LTBP2: variants seen among roughly 807,000 people sequenced by gnomAD.
LTBP2 encodes latent transforming growth factor beta binding protein 2.
LTBP2 carries 103 observed loss-of-function variants against 210.6 expected under a neutral mutation model. The observed-to-expected ratio is 0.49, with a 90% confidence interval of 0.42 to 0.58. LTBP2 has a LOEUF of 0.58. Ranked by LOEUF, LTBP2 falls within the 20% of genes least tolerant of loss-of-function variation. LTBP2 has a pLI of 0.00. For missense variants in LTBP2, 2,313 were observed against 2,494.5 expected, an observed-to-expected ratio of 0.93 and a Z score of 1.55; for synonymous variants, 1,007 against 1,015.0, an observed-to-expected ratio of 0.99 and a Z score of 0.15.
Position 74,500,908 on chromosome 14 carries a change from G to A in LTBP2, c.5442C>T (p.Pro1814=), listed in dbSNP as rs781539185. 2.5e-6 allele frequency: 4 copies of A among 1,614,028 alleles called. No homozygotes were observed. The African/African-American group carries it at 5.3e-5, about 22-fold the overall frequency. The change falls in exon 36 of 36, where the codon CCC becomes CCT. Residue 1814 remains proline (P), a synonymous_variant. Coordinates refer to ENST00000261978, the MANE Select transcript of LTBP2 (RefSeq NM_000428.3). ...CSPGYVAEAG[P]PHCTAKE ...GCTACTCCTTGGCAGTGCAGTGGGG[G>A]GGCCCTGCCTCAGCCACATATCCCG...
chr14:74,580,341 G>A (rs1002981223), intron 3 of LTBP2, among the ~76,000 whole-genome samples: 2 of 152,172 alleles, frequency 1.3e-5, no homozygotes, highest in African/African-American at 4.8e-5. Context: ...GATGTTGTTA[G>A]GTTTAGATGA....
intron 9 of LTBP2, among the ~76,000 whole-genome samples, chr14:74,534,412 G>A (rs1398443625): frequency 6.6e-6 from 1 of 152,174 alleles, no homozygotes; most frequent in Non-Finnish European, 1.5e-5. Context: ...CTGTTCTTTT[G>A]CTTATGGGGT....
intron 2 of LTBP2, among the ~76,000 whole-genome samples, chr14:74,597,093 C>G (rs1227424725): frequency 6.6e-6 from 1 of 152,150 alleles, no homozygotes; most frequent in East Asian, 1.9e-4. Flanking sequence ...CCTGGGAAAC[C>G]CACAGTTTAG....
At chr14:74,518,310 AC>A (rs1212382049) in intron 17 of LTBP2, among the ~76,000 whole-genome samples, 1 of 152,070 alleles carries the variant, frequency 6.6e-6, no homozygotes, top group Non-Finnish European at 1.5e-5. Context: ...CTAGTGTTAA[AC>A]CCCATAAAAT....
intron 3 of LTBP2, among the ~76,000 whole-genome samples, chr14:74,564,355 T>TTTATATATATTAA (rs1566641208): frequency 1.3e-3 from 9 of 6,722 alleles, no homozygotes; most frequent in African/African-American, 2.8e-3. Flanking sequence ...TTATATATAT[T>TTTATATATATTAA]TATATATATA....
intron 31 of LTBP2, 115 bp from the exon 32 acceptor site, chr14:74,503,721 C>A: frequency 6.9e-7 from 1 of 1,452,802 alleles, no homozygotes; most frequent in Non-Finnish European, 9.1e-7. Flanking sequence ...GCCTCCCTCC[C>A]CTCAACCCAG....
At position 74,509,749 on chromosome 14, in the gene LTBP2, C is replaced by G; in HGVS notation, c.3262G>C (p.Gly1088Arg). The change falls in exon 21 of 36, where the codon GGC becomes CGC. Residue 1088 changes from glycine to arginine, a missense_variant. Gly to Arg is a moderately radical substitution (Grantham distance 125). Transcript: ENST00000261978. The stretch of plus-strand genomic sequence containing the variant: ...CCAGGGTTACCTTCACAGGCAGTGC[C>G]GTCTTCATTCACCCAGTACCCGTTC... ...CENGYWVNED[G>R]TACEDLDECA... The G allele has an allele frequency of 6.2e-7, 1 of 1,614,096 alleles. No individual in the cohort carries two copies. The highest frequency in any genetic ancestry group is 8.5e-7 in the Non-Finnish European group (1 of 1,180,032).
chr14:74,515,823 C>A (rs1223019798), intron 18 of LTBP2, among the ~76,000 whole-genome samples: 2 of 152,096 alleles, frequency 1.3e-5, no homozygotes, highest in African/African-American at 4.8e-5. Flanking sequence ...CGGCTTTGGT[C>A]ATGGGTAGGC....
intron 25 of LTBP2, 23 bp downstream of exon 25, chr14:74,507,950 T>G: frequency 6.2e-7 from 1 of 1,611,980 alleles, no homozygotes. Flanking sequence ...CAGAGCCCTG[T>G]GCCCTCCCCC....
At position 74,511,269 on chromosome 14, in the gene LTBP2, G is replaced by C. The variant is rs763126898; in HGVS notation, c.3004C>G (p.Arg1002Gly). The C allele has an allele frequency of 2.5e-6, 4 of 1,613,908 alleles. No homozygotes were observed. In the East Asian group the frequency reaches 8.9e-5, roughly 36 times the overall value. The change falls in exon 19 of 36, where the codon CGG becomes GGG. Residue 1002 changes from arginine to glycine, a missense_variant. Physicochemically the swap from Arg to Gly is moderately radical, Grantham distance 125. Coordinates refer to ENST00000261978, the MANE Select transcript of LTBP2 (RefSeq NM_000428.3). ...YTCLACEEGY[R>G]GQSGSCVDVN... ...CCTACACAGCTCCCACTCTGGCCCC[G>C]GTAGCCCTCCTCACAGGCCAGACAA...
At chr14:74,563,347 G>T (rs1264494193) in intron 3 of LTBP2, among the ~76,000 whole-genome samples, 1 of 152,170 alleles carries the variant, frequency 6.6e-6, no homozygotes, top group Non-Finnish European at 1.5e-5. Context: ...ACATGAACAA[G>T]ACTATTTACA....
chr14:74,576,398 A>G (rs776880723), intron 3 of LTBP2, among the ~76,000 whole-genome samples: 5 of 152,234 alleles, frequency 3.3e-5, no homozygotes, highest in Admixed American at 6.5e-5. Context: ...CCTGCTCTTG[A>G]GGAATATAGT....
Position 74,503,268 on chromosome 14 carries a change from G to C in LTBP2, c.4839C>G (p.Asp1613Glu). ...RTTYTECCCQ[D>E]GEAWSQQCAL... Reference sequence around the variant, plus strand: ...CACACTGCTGGCTCCAGGCCTCGCCGTCCTGGCAGCAGCATTCCGTGTAGG... The same window carrying C: ...CACACTGCTGGCTCCAGGCCTCGCCCTCCTGGCAGCAGCATTCCGTGTAGG... Residue 1613 changes from aspartate (D) to glutamate (E), a missense_variant, in exon 33 of 36, where the codon GAC becomes GAG. Transcript: ENST00000261978. 6.2e-7 allele frequency: 1 copy of C among 1,614,038 alleles called. No homozygotes were observed. The highest frequency in any genetic ancestry group is 1.1e-5 in the South Asian group (1 of 91,088).
intron 2 of LTBP2, among the ~76,000 whole-genome samples, chr14:74,593,010 G>A (rs754090838): frequency 2.2e-4 from 34 of 152,118 alleles, no homozygotes; most frequent in Non-Finnish European, 4.3e-4. Context: ...CCCAGCTTTG[G>A]GTGTTCCGCT....
Position 74,555,615 on chromosome 14 carries a change from A to T in LTBP2, c.909T>A (p.Thr303=), listed in dbSNP as rs748617744. ...GLSRTVRLHP[T]ATASSQLSSN... Reference sequence around the variant, plus strand: ...AAGAGAGCTGGCTACTGGCCGTGGCAGTCGGGTGAAGTCGGACAGTGCGGG... The same window carrying T: ...AAGAGAGCTGGCTACTGGCCGTGGCTGTCGGGTGAAGTCGGACAGTGCGGG... The change falls in exon 4 of 36, where the codon ACT becomes ACA. Residue 303 remains threonine, a synonymous_variant. Coordinates refer to ENST00000261978, the MANE Select transcript of LTBP2 (RefSeq NM_000428.3). The T allele has an allele frequency of 6.2e-7, 1 of 1,609,484 alleles. No individual in the cohort carries two copies. The highest frequency in any genetic ancestry group is 2.2e-5 in the East Asian group (1 of 44,808).
chr14:74,603,289 G>C (rs146916398), intron 2 of LTBP2, among the ~76,000 whole-genome samples: 2,058 of 152,258 alleles, frequency 0.014, 25 homozygotes, highest in Admixed American at 0.037. Flanking sequence ...CAGCACGCCT[G>C]GCTAATTTTG....
chr14:74,551,517 C>G (rs1305872937), intron 6 of LTBP2, among the ~76,000 whole-genome samples, 167 bp from the exon 7 acceptor site: 1 of 152,232 alleles, frequency 6.6e-6, no homozygotes, highest in Non-Finnish European at 1.5e-5. Context: ...CAGAATGATC[C>G]CTTGTGGGGA....
intron 2 of LTBP2, among the ~76,000 whole-genome samples, chr14:74,601,449 C>T (rs2088445508): frequency 6.6e-6 from 1 of 152,106 alleles, no homozygotes; most frequent in Admixed American, 6.6e-5. Flanking sequence ...CCACCGGTGC[C>T]CCTGACCACT....
intron 8 of LTBP2, among the ~76,000 whole-genome samples, chr14:74,539,972 G>A (rs2087471616): frequency 6.6e-6 from 1 of 152,170 alleles, no homozygotes; most frequent in Non-Finnish European, 1.5e-5. Context: ...CCTGAAGGGA[G>A]TGTGTTGCGT....
Sources: allele counts gnomAD v4.1 joint callset (sites outside exome capture counted in the v4.1 genomes callset), GRCh38; gene constraint gnomAD v4.1.1; transcripts MANE v1.5; gene names NCBI Gene and HGNC (gene_info 2026-07-23, HGNC 2026-07-21).